Variants in HDAC9 observed in about 807,000 individuals in gnomAD.
The protein encoded by HDAC9 is MEF-2 interacting transcription repressor (MITR) protein.
HDAC9 carries 41 observed loss-of-function variants against 139.4 expected under a neutral mutation model. That is an observed-to-expected ratio of 0.29 (90% CI 0.23 to 0.38). HDAC9 has a LOEUF of 0.38. Among genes scored for constraint, HDAC9 ranks in the 10% least tolerant of loss-of-function variants. HDAC9 has a pLI of 1.00. For synonymous variants in HDAC9, 517 were observed against 476.2 expected, an observed-to-expected ratio of 1.09 and a Z score of -1.12; for missense variants, 1,147 against 1,297.0, an observed-to-expected ratio of 0.88 and a Z score of 1.78.
At chr7:18,214,464 G>A (rs1792157476) in intron 2 of HDAC9, among the ~76,000 whole-genome samples, 1 of 152,074 alleles carries the variant, frequency 6.6e-6, no homozygotes, top group African/African-American at 2.4e-5. Flanking sequence ...GAAAGAGTCT[G>A]ATCTCTCTCA....
chr7:18,525,787 TC>T (rs1806671170), intron 2 of HDAC9, among the ~76,000 whole-genome samples: 3 of 152,238 alleles, frequency 2.0e-5, no homozygotes, highest in African/African-American at 7.2e-5. Flanking sequence ...GTATATCTGT[TC>T]CCTGGAACTT....
intron 1 of HDAC9, among the ~76,000 whole-genome samples, chr7:18,379,126 G>A (rs1785224621): frequency 6.6e-6 from 1 of 152,020 alleles, no homozygotes; most frequent in Admixed American, 6.6e-5. Context: ...AAATACTTTT[G>A]AAAATCTACC....
intron 2 of HDAC9, among the ~76,000 whole-genome samples, chr7:18,273,109 T>A: frequency 7.4e-6 from 1 of 134,778 alleles, no homozygotes; most frequent in Non-Finnish European, 1.5e-5. Flanking sequence ...TCTGTTGCCC[T>A]CGCTGGAGTG....
At chr7:18,484,056 C>A in intron 1 of HDAC9, among the ~76,000 whole-genome samples, 1 of 150,842 alleles carries the variant, frequency 6.6e-6, no homozygotes, top group Non-Finnish European at 1.5e-5. Context: ...ATTTAAAATA[C>A]TGTTATGGGG....
chr7:18,146,984 AT>A (rs1345774305), intron 1 of HDAC9, among the ~76,000 whole-genome samples: 2 of 152,116 alleles, frequency 1.3e-5, no homozygotes, highest in Admixed American at 6.5e-5. Flanking sequence ...AAGTGGATTT[AT>A]TTTTTTCCTC....
chr7:18,887,467 T>G (rs1800263990), intron 22 of HDAC9, among the ~76,000 whole-genome samples: 1 of 152,214 alleles, frequency 6.6e-6, no homozygotes. Flanking sequence ...GATGTTCTTT[T>G]TATTCCTAAC....
chr7:18,735,253 G>T (rs1164070843), intron 13 of HDAC9, among the ~76,000 whole-genome samples: 2 of 152,144 alleles, frequency 1.3e-5, no homozygotes, highest in African/African-American at 4.8e-5. Flanking sequence ...GATCCCATTC[G>T]TCTATTTTGG....
intron 2 of HDAC9, among the ~76,000 whole-genome samples, chr7:18,185,876 T>A (rs944013036): frequency 3.3e-5 from 5 of 152,238 alleles, no homozygotes; most frequent in Non-Finnish European, 7.3e-5. Context: ...CAAAATGGTA[T>A]TTTGTCACTT....
At chr7:18,336,600 A>G (rs1224935352) in intron 1 of HDAC9, among the ~76,000 whole-genome samples, 1 of 151,672 alleles carries the variant, frequency 6.6e-6, no homozygotes, top group Non-Finnish European at 1.5e-5. Context: ...AGATTTAATT[A>G]TTATTGCTAG....
Position 18,439,828 on chromosome 7 carries a change from T to C in HDAC9, c.-41-56434T>C, listed in dbSNP as rs374419141. The stretch of plus-strand genomic sequence containing the variant: ...ATTCAAATCTCTCTCTCTCTCTGAA[T>C]GTACATACACACACACAAACACACA... On this transcript the variant is annotated intron_variant, in intron 1 of 3. Transcript: ENST00000413509. Among the ~76,000 whole-genome samples, 278 of 152,310 alleles carry C rather than the reference T, an allele frequency of 1.8e-3. 3 individuals carry two copies. The highest frequency in any genetic ancestry group is 5.4e-3 in the African/African-American group (225 of 41,584).
In HDAC9 at chr7:19,001,838, C is replaced by T. The variant is rs1478386056; in HGVS notation, c.*5776C>T. On this transcript the variant is annotated 3_prime_UTR_variant, in exon 26 of 26. Transcript: ENST00000686413. ...TCTGTGTCATTTGAAAGCAAATATCCTGATATTTTTAAATAAGGTGAGCAG... is the reference window on the plus strand; with the variant it reads ...TCTGTGTCATTTGAAAGCAAATATCTTGATATTTTTAAATAAGGTGAGCAG... 2.0e-5 allele frequency: 3 copies of T among 151,982 alleles called. No individual in the cohort carries two copies. The highest frequency in any genetic ancestry group is 4.8e-5 in the African/African-American group (2 of 41,390). 9.4% of individuals were successfully genotyped at this position (151,982 alleles called of 1,614,324 possible). A position where few individuals can be genotyped will look rare whatever the true frequency, so the allele number is the denominator to read the frequency against.
chr7:18,919,410 G>C (rs1319551758), intron 22 of HDAC9, among the ~76,000 whole-genome samples: 5 of 151,916 alleles, frequency 3.3e-5, no homozygotes, highest in African/African-American at 1.2e-4. Flanking sequence ...TCTTCCTAGA[G>C]AAGAAAAAAT....
At chr7:18,250,550 T>C (rs908739040) in intron 2 of HDAC9, among the ~76,000 whole-genome samples, 2 of 152,218 alleles carry the variant, frequency 1.3e-5, no homozygotes, top group Admixed American at 6.5e-5. Context: ...GCAAGATTAG[T>C]AGATCAAAAT....
At chr7:18,785,896 T>C (rs1015835631) in intron 16 of HDAC9, among the ~76,000 whole-genome samples, 3 of 152,144 alleles carry the variant, frequency 2.0e-5, no homozygotes, top group Non-Finnish European at 4.4e-5. Flanking sequence ...AAGAATTGTA[T>C]TAGTTACTAT....
chr7:18,534,868 TAGAGAG>T (rs1810346225), intron 2 of HDAC9, among the ~76,000 whole-genome samples: 2 of 152,172 alleles, frequency 1.3e-5, no homozygotes, highest in Non-Finnish European at 2.9e-5. Flanking sequence ...GGCAGGGACT[TAGAGAG>T]GAGGAGAAAT....
intron 1 of HDAC9, among the ~76,000 whole-genome samples, chr7:18,353,604 A>C (rs1374804889): frequency 1.3e-5 from 2 of 152,162 alleles, no homozygotes; most frequent in Non-Finnish European, 2.9e-5. Flanking sequence ...CTATGAGGTA[A>C]TTGAAGGAAA....
At chr7:18,201,504 T>C (rs530506604) in intron 2 of HDAC9, among the ~76,000 whole-genome samples, 5 of 152,320 alleles carry the variant, frequency 3.3e-5, no homozygotes, top group Admixed American at 6.5e-5. Flanking sequence ...TAGAGAAGTG[T>C]GCAACTGCAG....
rs1249074312 is a variant in HDAC9, at chr7:19,002,224, C to T, written c.*6162C>T. 1.3e-5 allele frequency: 2 copies of T among 152,086 alleles called. No homozygotes were observed. The highest frequency in any genetic ancestry group is 2.9e-5 in the Non-Finnish European group (2 of 67,960). 9.4% of individuals were successfully genotyped at this position (152,086 alleles called of 1,614,324 possible). The stretch of plus-strand genomic sequence containing the variant: ...TAACAATACCATTGTTGAACATGCT[C>T]ATGGAATGTCCACCTTCTTCTGATT... On this transcript the variant is annotated 3_prime_UTR_variant, in exon 26 of 26. Transcript: ENST00000686413.
chr7:18,451,322 A>G (rs114469987), intron 1 of HDAC9, among the ~76,000 whole-genome samples: 1,588 of 150,316 alleles, frequency 0.011, 31 homozygotes, highest in African/African-American at 0.036. Context: ...AGTCTAAGAT[A>G]TTTTTGTTAT....
Sources: allele counts gnomAD v4.1 joint callset (sites outside exome capture counted in the v4.1 genomes callset), GRCh38; gene constraint gnomAD v4.1.1; transcripts MANE v1.5; gene names NCBI Gene and HGNC (gene_info 2026-07-23, HGNC 2026-07-21).